The following PDE3A variants were observed in gnomAD, a reference collection of about 807,000 sequenced individuals.
PDE3A encodes cGMP-inhibited 3',5'-cyclic phosphodiesterase 3A.
In PDE3A, 43 loss-of-function variants were observed where a neutral mutation model predicts 98.3. That is an observed-to-expected ratio of 0.44 (90% CI 0.34 to 0.56). PDE3A has a LOEUF of 0.56. Ranked by LOEUF, PDE3A falls within the 20% of genes least tolerant of loss-of-function variation. PDE3A has a pLI of 0.01. For missense variants in PDE3A, 1,427 were observed against 1,440.7 expected (o/e 0.99, Z 0.15); for synonymous variants, 663 against 567.9 (o/e 1.17, Z -2.38).
At chr12:20,604,957 G>C (rs1299014622) in intron 2 of PDE3A, among the ~76,000 whole-genome samples, 1 of 152,096 alleles carries the variant, frequency 6.6e-6, no homozygotes, top group Non-Finnish European at 1.5e-5. Flanking sequence ...ATTCTGAGTT[G>C]AAAAGCCTTT....
chr12:20,494,902 C>T (rs1945892763), intron 1 of PDE3A, among the ~76,000 whole-genome samples: 1 of 151,218 alleles, frequency 6.6e-6, no homozygotes, highest in Non-Finnish European at 1.5e-5. Context: ...TAAATAGAAG[C>T]CCTATGTTTT....
At chr12:20,549,260 C>T (rs907010289) in intron 1 of PDE3A, among the ~76,000 whole-genome samples, 39 of 149,768 alleles carry the variant, frequency 2.6e-4, no homozygotes, top group African/African-American at 8.6e-4. Context: ...TGCTGTCATG[C>T]GCTAATATGA....
intron 14 of PDE3A, among the ~76,000 whole-genome samples, chr12:20,651,811 A>G (rs924453611): frequency 6.6e-6 from 1 of 152,156 alleles, no homozygotes; most frequent in Non-Finnish European, 1.5e-5. Flanking sequence ...GTACATGTGC[A>G]CAACGTGCAG....
At chr12:20,596,661 TAGAG>T (rs774108365) in intron 2 of PDE3A, among the ~76,000 whole-genome samples, 132 of 152,206 alleles carry the variant, frequency 8.7e-4, no homozygotes, top group African/African-American at 2.9e-3. Context: ...GTATCAGAAA[TAGAG>T]AGAATAAGTG....
chr12:20,488,397 A>T (rs376651371), intron 1 of PDE3A, among the ~76,000 whole-genome samples: 22 of 152,320 alleles, frequency 1.4e-4, no homozygotes, highest in East Asian at 7.7e-4. Flanking sequence ...TTAATTGCTA[A>T]TTACAGATCT....
Position 20,412,531 on chromosome 12 carries a change from G to A in PDE3A, c.960+42287G>A, listed in dbSNP as rs140667319. On this transcript the variant is annotated intron_variant, in intron 1 of 15. Coordinates refer to ENST00000359062, the MANE Select transcript of PDE3A (RefSeq NM_000921.5). Reference sequence around the variant, plus strand: ...CCATAGGCAATTGTTAGATACATATGTAAGAAAGTGAAAAACCGACAGACA... The same window carrying A: ...CCATAGGCAATTGTTAGATACATATATAAGAAAGTGAAAAACCGACAGACA... Among the ~76,000 whole-genome samples, 55 of 152,128 alleles carry A rather than the reference G, an allele frequency of 3.6e-4. 2 individuals are homozygous for A. In the East Asian group the frequency reaches 8.7e-3, roughly 24 times the overall value.
chr12:20,522,803 G>A (rs930272025), intron 1 of PDE3A, among the ~76,000 whole-genome samples: 6 of 152,072 alleles, frequency 3.9e-5, no homozygotes, highest in Non-Finnish European at 5.9e-5. Context: ...AAAATGAAAT[G>A]GGGTGGGGCA....
At chr12:20,513,409 G>A (rs1946263103) in intron 1 of PDE3A, among the ~76,000 whole-genome samples, 1 of 152,110 alleles carries the variant, frequency 6.6e-6, no homozygotes, top group African/African-American at 2.4e-5. Context: ...TTGAAAGGCA[G>A]AAAATAAACT....
intron 2 of PDE3A, among the ~76,000 whole-genome samples, chr12:20,607,719 T>C (rs1447388799): frequency 6.6e-6 from 1 of 152,014 alleles, no homozygotes; most frequent in African/African-American, 2.4e-5. Flanking sequence ...TGGTAAGTTT[T>C]TTTTTTTAAA....
chr12:20,379,980 G>A (rs1380166607), intron 1 of PDE3A, among the ~76,000 whole-genome samples: 3 of 151,410 alleles, frequency 2.0e-5, no homozygotes, highest in African/African-American at 2.4e-5. Flanking sequence ...TGAAATTTGG[G>A]TTCATATTTT....
At chr12:20,483,933 A>G (rs1945676545) in intron 1 of PDE3A, among the ~76,000 whole-genome samples, 2 of 152,346 alleles carry the variant, frequency 1.3e-5, no homozygotes, top group South Asian at 4.1e-4. Context: ...ACTTGTCTAT[A>G]GGGCTCTGGA....
intron 1 of PDE3A, among the ~76,000 whole-genome samples, chr12:20,507,251 A>G (rs1374780066): frequency 6.6e-6 from 1 of 152,006 alleles, no homozygotes; most frequent in Non-Finnish European, 1.5e-5. Flanking sequence ...TCTAAAATTC[A>G]TTACCATAAA....
At chr12:20,441,441 G>T (rs900230258) in intron 1 of PDE3A, among the ~76,000 whole-genome samples, 3 of 152,120 alleles carry the variant, frequency 2.0e-5, no homozygotes, top group Non-Finnish European at 4.4e-5. Flanking sequence ...TATGTAATGG[G>T]TCATAAAATG....
intron 2 of PDE3A, among the ~76,000 whole-genome samples, chr12:20,575,434 TAAAC>T (rs948327556): frequency 1.3e-5 from 2 of 151,828 alleles, no homozygotes; most frequent in African/African-American, 4.8e-5. Flanking sequence ...TCTGATTAAA[TAAAC>T]AATTACAGAA....
At chr12:20,496,760 A>G (rs1009954982) in intron 1 of PDE3A, among the ~76,000 whole-genome samples, 4 of 152,210 alleles carry the variant, frequency 2.6e-5, no homozygotes, top group Admixed American at 2.6e-4. Flanking sequence ...TTTAGCTTCT[A>G]TCTTTCACGA....
chr12:20,637,296 T>A, intron 9 of PDE3A, 59 bp downstream of exon 9: 1 of 1,321,956 alleles, frequency 7.6e-7, no homozygotes, highest in Non-Finnish European at 1.0e-6. Context: ...CCTTTGTTGC[T>A]TAAAGCTCTG....
chr12:20,437,779 A>G (rs1281627356), intron 1 of PDE3A, among the ~76,000 whole-genome samples: 1 of 152,136 alleles, frequency 6.6e-6, no homozygotes, highest in African/African-American at 2.4e-5. Flanking sequence ...TAGAGGGGTA[A>G]GATATCCAAA....
intron 1 of PDE3A, among the ~76,000 whole-genome samples, chr12:20,431,015 T>C (rs1273433100): frequency 6.6e-6 from 1 of 152,134 alleles, no homozygotes; most frequent in East Asian, 1.9e-4. Flanking sequence ...TTTTGGAAGA[T>C]TTTTAAAAAA....
intron 1 of PDE3A, among the ~76,000 whole-genome samples, chr12:20,486,317 C>T (rs1431917153): frequency 6.6e-6 from 1 of 152,086 alleles, no homozygotes; most frequent in Non-Finnish European, 1.5e-5. Flanking sequence ...ACAGGAGGAA[C>T]TGCCTAACAC....
Sources: allele counts gnomAD v4.1 joint callset (sites outside exome capture counted in the v4.1 genomes callset), GRCh38; gene constraint gnomAD v4.1.1; transcripts MANE v1.5; gene names NCBI Gene and HGNC (gene_info 2026-07-23, HGNC 2026-07-21).